Variants in SPOCK3 observed in about 807,000 individuals in gnomAD.
SPOCK3 encodes the protein testican-3.
In SPOCK3, 30 loss-of-function variants were observed where a neutral mutation model predicts 56.6. The ratio of observed to expected loss-of-function variants is 0.53; its 90% CI spans 0.40 to 0.72. The LOEUF is 0.72. Ranked by LOEUF, SPOCK3 falls within the 30% of genes least tolerant of loss-of-function variation. SPOCK3 has a pLI of 0.00. For synonymous variants in SPOCK3, 196 were observed against 183.3 expected, an observed-to-expected ratio of 1.07 and a Z score of -0.56; for missense variants, 527 against 530.0, an observed-to-expected ratio of 0.99 and a Z score of 0.06.
chr4:167,014,542 C>CAGAAGGAT (rs1253813853), intron 3 of SPOCK3, among the ~76,000 whole-genome samples: 1 of 151,976 alleles, frequency 6.6e-6, no homozygotes, highest in Admixed American at 6.6e-5. Flanking sequence ...GTAGTCTCAG[C>CAGAAGGAT]TACTCACAAA....
intron 8 of SPOCK3, among the ~76,000 whole-genome samples, chr4:166,747,233 C>G (rs1451809428): frequency 6.6e-6 from 1 of 152,134 alleles, no homozygotes; most frequent in Non-Finnish European, 1.5e-5. Flanking sequence ...CAAAAATCCT[C>G]AGTAAAATAC....
intron 4 of SPOCK3, among the ~76,000 whole-genome samples, chr4:166,971,360 C>G (rs1745363505): frequency 6.6e-6 from 1 of 152,044 alleles, no homozygotes; most frequent in Non-Finnish European, 1.5e-5. Context: ...GTGCTTGACT[C>G]TTTTAGAAGG....
chr4:166,901,318 C>T (rs1736018727), intron 5 of SPOCK3, among the ~76,000 whole-genome samples: 1 of 152,152 alleles, frequency 6.6e-6, no homozygotes, highest in Non-Finnish European at 1.5e-5. Flanking sequence ...GATCTGACAG[C>T]AGGCTGGAGA....
intron 2 of SPOCK3, among the ~76,000 whole-genome samples, chr4:167,154,705 A>G (rs570577838): frequency 6.6e-6 from 1 of 152,264 alleles, no homozygotes; most frequent in African/African-American, 2.4e-5. Flanking sequence ...CATTTCTGTG[A>G]TCCTCTTGTA....
At chr4:166,869,606 C>CTGTGTGTGTG (rs34623275) in intron 6 of SPOCK3, among the ~76,000 whole-genome samples, 46 of 141,924 alleles carry the variant, frequency 3.2e-4, no homozygotes, top group East Asian at 1.1e-3. Flanking sequence ...CAATAGAATT[C>CTGTGTGTGTG]TGTGTGTGTG....
chr4:166,832,166 A>G (rs1746150855), intron 6 of SPOCK3, among the ~76,000 whole-genome samples: 1 of 152,104 alleles, frequency 6.6e-6, no homozygotes, highest in Non-Finnish European at 1.5e-5. Flanking sequence ...CCCAAGGCCA[A>G]TGTCCAGAAT....
chr4:166,842,144 A>G (rs1018559274), intron 6 of SPOCK3, among the ~76,000 whole-genome samples: 22 of 152,210 alleles, frequency 1.4e-4, no homozygotes, highest in Non-Finnish European at 3.2e-4. Context: ...GTTATAGCTC[A>G]TAGAGGCAGT....
intron 3 of SPOCK3, among the ~76,000 whole-genome samples, chr4:167,051,662 T>C (rs954006953): frequency 6.6e-6 from 1 of 152,222 alleles, no homozygotes; most frequent in African/African-American, 2.4e-5. Flanking sequence ...ACACTTAGCA[T>C]GTTGTTTAAC....
chr4:166,992,461 G>T (rs1451929293), intron 4 of SPOCK3, among the ~76,000 whole-genome samples: 1 of 152,048 alleles, frequency 6.6e-6, no homozygotes, highest in East Asian at 1.9e-4. Flanking sequence ...AGACTGAATT[G>T]GAAGAACTAG....
At chr4:167,018,481 C>T (rs1291619424) in intron 3 of SPOCK3, among the ~76,000 whole-genome samples, 1 of 152,070 alleles carries the variant, frequency 6.6e-6, no homozygotes, top group African/African-American at 2.4e-5. Context: ...GATTCTATAG[C>T]CATTCGCCCA....
chr4:166,767,456 C>T (rs1346046731), intron 7 of SPOCK3, among the ~76,000 whole-genome samples: 1 of 152,046 alleles, frequency 6.6e-6, no homozygotes, highest in African/African-American at 2.4e-5. Context: ...ACCCAGTAGT[C>T]ATTCAGGAGC....
At chr4:166,976,874 TTATA>T (rs993093280) in intron 4 of SPOCK3, among the ~76,000 whole-genome samples, 5 of 151,574 alleles carry the variant, frequency 3.3e-5, no homozygotes, top group Non-Finnish European at 7.4e-5. Flanking sequence ...CTCACAGATA[TTATA>T]TATATATAAT....
In SPOCK3 at chr4:166,734,942, A is replaced by T; in HGVS notation, c.1281T>A (p.Asp427Glu). The T allele has an allele frequency of 1.3e-6, 2 of 1,545,504 alleles. No homozygotes were observed. Among genetic ancestry groups the T allele is most frequent in the Non-Finnish European group, 1.8e-6 (2 of 1,121,254 alleles). ...EDEGDDDDGG[D>E]DHDVYI ...TCAATCAAATGTATACATCATGGTC[A>T]TCACCACCATCATCATCATCCCCTT... The change falls in exon 11 of 11, where the codon GAT becomes GAA. Residue 427 changes from aspartate (D) to glutamate (E), a missense_variant. By Grantham distance (45) the Asp-to-Glu change is conservative. Coordinates refer to ENST00000357545, the MANE Select transcript of SPOCK3 (RefSeq NM_001040159.2).
chr4:166,963,850 A>G (rs1744418263), intron 4 of SPOCK3, among the ~76,000 whole-genome samples: 1 of 151,894 alleles, frequency 6.6e-6, no homozygotes, highest in African/African-American at 2.4e-5. Context: ...TAAATGAGAG[A>G]CAATTATTAT....
rs1734063893 is a variant in SPOCK3 at position 167,205,368 on chromosome 4, T to TA, written c.189+28616_189+28617insT. Among the ~76,000 whole-genome samples, 3 of 36,596 alleles carry TA rather than the reference T, an allele frequency of 8.2e-5. 1 individual carries two copies. Among genetic ancestry groups the TA allele is most frequent in the Non-Finnish European group, 8.2e-5 (2 of 24,358 alleles). The allele number at this position is 36,596 out of a possible 152,430, so 24.0% of individuals were successfully genotyped here. On this transcript the variant is annotated intron_variant, in intron 2 of 10. Coordinates refer to ENST00000357545, the MANE Select transcript of SPOCK3 (RefSeq NM_001040159.2). Reference sequence around the variant, plus strand: ...ATATATATAATATATATATTATATATTTTATATATATAATATATATATTTT... The same window carrying TA: ...ATATATATAATATATATATTATATATATTTATATATATAATATATATATTTT...
intron 2 of SPOCK3, among the ~76,000 whole-genome samples, chr4:167,204,132 T>C (rs1256031671): frequency 6.6e-6 from 1 of 151,954 alleles, no homozygotes; most frequent in Admixed American, 6.6e-5. Context: ...ACTTCCTAGG[T>C]TGAGCCCTGC....
At chr4:166,744,452 G>A (rs1348618051) in intron 8 of SPOCK3, among the ~76,000 whole-genome samples, 3 of 152,114 alleles carry the variant, frequency 2.0e-5, no homozygotes. Context: ...CGACAAAAAG[G>A]ACATCCACAC....
chr4:166,737,430 C>T lies in SPOCK3; in HGVS notation c.1132+37G>A, dbSNP rs1560801995. 2.5e-6 allele frequency: 4 copies of T among 1,592,646 alleles called. No individual in the cohort carries two copies. The Admixed American group carries it at 6.9e-5, about 27-fold the overall frequency. On this transcript the variant is annotated intron_variant, in intron 10 of 10. Transcript: ENST00000357545. ...AGGCTCTAAAGCACTTAATTCTGTG[C>T]TTAGAAAATTATGAAATAAGTAACC...
chr4:167,002,619 A>G (rs1749054654), intron 3 of SPOCK3, among the ~76,000 whole-genome samples: 1 of 152,172 alleles, frequency 6.6e-6, no homozygotes, highest in Non-Finnish European at 1.5e-5. Flanking sequence ...TTCATTGTCT[A>G]TAACATGTTA....
Sources: gnomAD v4.1 joint callset for allele counts (sites outside exome capture counted in the v4.1 genomes callset) on GRCh38, gnomAD v4.1.1 for gene constraint, MANE v1.5 for transcripts, NCBI Gene and HGNC (gene_info 2026-07-23, HGNC 2026-07-21) for gene names.